Variants in LINGO2 observed in about 807,000 individuals in gnomAD.
The protein encoded by LINGO2 is leucine-rich repeat and immunoglobulin-like domain-containing nogo receptor-interacting protein 2.
A neutral mutation model predicts 30.6 loss-of-function variants in LINGO2; 14 were observed. That is an observed-to-expected ratio of 0.46 (90% CI 0.30 to 0.72). The LOEUF (loss-of-function observed/expected upper bound fraction) is 0.72, where lower values mean the gene tolerates loss of function less well. Among genes scored for constraint, LINGO2 ranks in the 30% least tolerant of loss-of-function variants. LINGO2 has a pLI of 0.07. For missense variants in LINGO2, 729 were observed against 751.7 expected (o/e 0.97, Z 0.35); for synonymous variants, 317 against 288.5 (o/e 1.10, Z -1.00).
At chr9:29,110,476 G>T in the LINGO2 span, among the ~76,000 whole-genome samples, 1 of 151,662 alleles carries the variant, frequency 6.6e-6, no homozygotes, top group East Asian at 2.0e-4. Flanking sequence ...GGGACTACAG[G>T]CGCCCGCCGC....
chr9:28,831,893 T>G, the LINGO2 span, among the ~76,000 whole-genome samples: 1 of 152,196 alleles, frequency 6.6e-6, no homozygotes, highest in Non-Finnish European at 1.5e-5. Flanking sequence ...GTAAACTTAA[T>G]TTTATATTTA....
the LINGO2 span, among the ~76,000 whole-genome samples, chr9:29,098,797 G>C: frequency 6.6e-6 from 1 of 152,066 alleles, no homozygotes; most frequent in Non-Finnish European, 1.5e-5. Context: ...TTTTTGAAAT[G>C]TCTATGGTTT....
the LINGO2 span, among the ~76,000 whole-genome samples, chr9:28,939,215 T>C: frequency 6.6e-6 from 1 of 150,530 alleles, no homozygotes; most frequent in African/African-American, 2.4e-5. Context: ...CTGACAACAG[T>C]GAAAAAGTGA....
At chr9:28,308,143 A>G (rs1409685948) in intron 3 of LINGO2, among the ~76,000 whole-genome samples, 2 of 134,080 alleles carry the variant, frequency 1.5e-5, no homozygotes, top group African/African-American at 2.5e-5. Flanking sequence ...AGCCAAAAGA[A>G]CAAAGCTGGA....
At chr9:28,812,072 A>AC in the LINGO2 span, among the ~76,000 whole-genome samples, 2 of 147,236 alleles carry the variant, frequency 1.4e-5, no homozygotes, top group Non-Finnish European at 3.0e-5. Context: ...TCTTGTGGCA[A>AC]TTTTTTTTTT....
intron 4 of LINGO2, among the ~76,000 whole-genome samples, chr9:28,030,980 G>C (rs1823639271): frequency 6.6e-6 from 1 of 152,130 alleles, no homozygotes; most frequent in Admixed American, 6.6e-5. Context: ...AGATAGATGA[G>C]AGAGAGAGAT....
chr9:28,871,410 A>C, the LINGO2 span, among the ~76,000 whole-genome samples: 7 of 151,802 alleles, frequency 4.6e-5, no homozygotes, highest in Non-Finnish European at 1.0e-4. Flanking sequence ...TTTTTAGGAA[A>C]TAGGAATGGA....
the LINGO2 span, among the ~76,000 whole-genome samples, chr9:29,151,311 C>T: frequency 2.0e-5 from 3 of 152,060 alleles, no homozygotes; most frequent in Non-Finnish European, 4.4e-5. Flanking sequence ...CACACTTAAG[C>T]ACATAGCACA....
rs1825364001 is a variant in LINGO2 at position 28,329,994 on chromosome 9, T to C, written c.-245-34628A>G. ...TTACTGAATTCTGCGCCCCTAGTGT[T>C]CATCTATTGAAGCCATAACCCCCAA... On this transcript the variant is annotated intron_variant, in intron 3 of 5. Transcript: ENST00000379992. The surrounding 1 kb of genome is among the most constrained non-coding windows in gnomAD (Gnocchi z 4.5). Among the ~76,000 whole-genome samples, 1 of 152,166 alleles carries C rather than the reference T, an allele frequency of 6.6e-6. No homozygotes were observed. Among genetic ancestry groups the C allele is most frequent in the Admixed American group, 6.6e-5 (1 of 15,264 alleles).
intron 4 of LINGO2, among the ~76,000 whole-genome samples, chr9:28,084,850 A>G (rs1054527021): frequency 2.0e-5 from 3 of 152,154 alleles, no homozygotes; most frequent in African/African-American, 7.2e-5. Flanking sequence ...CTGGGAAAGG[A>G]GAAAGCCAGG....
intron 2 of LINGO2, among the ~76,000 whole-genome samples, chr9:28,433,947 C>CTATATATATATATATAAA (rs1417650474): frequency 1.5e-4 from 9 of 61,110 alleles, no homozygotes; most frequent in African/African-American, 4.4e-4. Context: ...CTCTCTCTCT[C>CTATATATATATATATAAA]TCTATATATA....
At chr9:28,573,614 C>A (rs1823813652) in intron 1 of LINGO2, among the ~76,000 whole-genome samples, 1 of 152,140 alleles carries the variant, frequency 6.6e-6, no homozygotes, top group East Asian at 1.9e-4. Flanking sequence ...ACTTTCAAGT[C>A]TTTTTGTCAC....
the LINGO2 span, among the ~76,000 whole-genome samples, chr9:28,679,539 G>C: frequency 6.6e-6 from 1 of 151,944 alleles, no homozygotes; most frequent in African/African-American, 2.4e-5. Context: ...ACTTTTTTGA[G>C]GTAGGACTGG....
intron 4 of LINGO2, among the ~76,000 whole-genome samples, chr9:28,067,840 G>C (rs1198880656): frequency 6.6e-6 from 1 of 152,154 alleles, no homozygotes; most frequent in Non-Finnish European, 1.5e-5. Context: ...CTACGATGTA[G>C]ATACGTTGGG....
chr9:28,308,067 T>C (rs1022297751), intron 3 of LINGO2, among the ~76,000 whole-genome samples: 12 of 147,558 alleles, frequency 8.1e-5, no homozygotes, highest in African/African-American at 2.9e-4. Context: ...CTTCACAGAA[T>C]TGGAAAAAAC....
At chr9:28,308,909 A>G (rs1442470840) in intron 3 of LINGO2, among the ~76,000 whole-genome samples, 4 of 152,180 alleles carry the variant, frequency 2.6e-5, no homozygotes, top group African/African-American at 7.2e-5. Context: ...TTAGAATGGC[A>G]TTCATTAAAA....
chr9:28,657,380 CT>C (rs920891395), intron 1 of LINGO2, among the ~76,000 whole-genome samples: 10 of 151,902 alleles, frequency 6.6e-5, no homozygotes, highest in Non-Finnish European at 1.5e-4. Context: ...CTACTCCGGG[CT>C]TTTTTATTTT....
intron 2 of LINGO2, among the ~76,000 whole-genome samples, chr9:28,379,712 T>C (rs1821270926): frequency 1.3e-5 from 2 of 152,136 alleles, no homozygotes; most frequent in African/African-American, 4.8e-5. Context: ...GAACCTGCTT[T>C]ACTTTTAAGT....
chr9:28,860,871 A>T, the LINGO2 span, among the ~76,000 whole-genome samples: 46 of 146,594 alleles, frequency 3.1e-4, no homozygotes, highest in South Asian at 8.0e-3. Context: ...GAGTTCTGAC[A>T]GTCTTGTGGT....
Sources: allele counts gnomAD v4.1 joint callset (sites outside exome capture counted in the v4.1 genomes callset), GRCh38; gene constraint gnomAD v4.1.1; non-coding constraint Gnocchi (gnomAD v3.1); transcripts MANE v1.5; gene names NCBI Gene and HGNC (gene_info 2026-07-23, HGNC 2026-07-21).